The following TAF2 variants were observed in gnomAD, a reference collection of about 807,000 sequenced individuals.
The protein encoded by TAF2 is transcription initiation factor TFIID subunit 2.
TAF2 carries 61 observed loss-of-function variants against 138.5 expected under a neutral mutation model. That is an observed-to-expected ratio of 0.44 (90% CI 0.36 to 0.54). The LOEUF (loss-of-function observed/expected upper bound fraction) is 0.54. Among genes scored for constraint, TAF2 ranks in the 20% least tolerant of loss-of-function variants. The pLI is 0.00. For synonymous variants in TAF2, 475 were observed against 469.9 expected, an observed-to-expected ratio of 1.01 and a Z score of -0.14; for missense variants, 1,090 against 1,427.9, an observed-to-expected ratio of 0.76 and a Z score of 3.81.
At chr8:119,792,130 T>G (rs1426300054) in intron 10 of TAF2, among the ~76,000 whole-genome samples, 1 of 151,000 alleles carries the variant, frequency 6.6e-6, no homozygotes, top group African/African-American at 2.4e-5. Context: ...GATAAATGCC[T>G]AGAAGAATTT....
intron 18 of TAF2, among the ~76,000 whole-genome samples, chr8:119,768,480 C>T (rs1255753711): frequency 7.3e-6 from 1 of 137,400 alleles, no homozygotes; most frequent in Non-Finnish European, 1.7e-5. Flanking sequence ...ATTTTTTCCT[C>T]TTGGTATTGA....
rs778258028 is a variant in TAF2 at position 119,819,314 on chromosome 8, A to C, written c.299+32T>G. 15 of 1,605,282 alleles carry C rather than the reference A, an allele frequency of 9.3e-6. No homozygotes were observed. In the East Asian group the frequency reaches 2.9e-4, roughly 31 times the overall value. The stretch of plus-strand genomic sequence containing the variant: ...TTAAAAACATTTTTTCAAAACTGTT[A>C]AAAATAGTGACTTTTAAAGTGCATA... On this transcript the variant is annotated intron_variant, in intron 3 of 25. Transcript: ENST00000378164.
chr8:119,823,275 C>T (rs911771559), intron 2 of TAF2, among the ~76,000 whole-genome samples: 3 of 152,176 alleles, frequency 2.0e-5, no homozygotes, highest in African/African-American at 7.2e-5. Flanking sequence ...TACAGTATGA[C>T]TTATGCAGTC....
intron 3 of TAF2, among the ~76,000 whole-genome samples, chr8:119,814,902 CTG>C (rs1164562526): frequency 6.9e-6 from 1 of 145,178 alleles, no homozygotes; most frequent in Non-Finnish European, 1.5e-5. Flanking sequence ...GAGCAGGACT[CTG>C]TCTTTAAAAA....
chr8:119,790,665 T>C (rs903447484), intron 11 of TAF2, among the ~76,000 whole-genome samples: 4 of 152,208 alleles, frequency 2.6e-5, no homozygotes, highest in Non-Finnish European at 5.9e-5. Flanking sequence ...AATTTAGCGA[T>C]AGCAAAAATA....
chr8:119,802,412 G>C (rs1461685170), intron 5 of TAF2, among the ~76,000 whole-genome samples: 3 of 152,180 alleles, frequency 2.0e-5, no homozygotes, highest in Non-Finnish European at 4.4e-5. Context: ...CTAACATTCA[G>C]AATTTATTCC....
At chr8:119,783,119 T>C (rs1190551717) in intron 16 of TAF2, among the ~76,000 whole-genome samples, 1 of 152,200 alleles carries the variant, frequency 6.6e-6, no homozygotes, top group East Asian at 1.9e-4. Context: ...TGGTTGGCAA[T>C]TCAACAAAAT....
At chr8:119,774,101 G>A (rs1822044711) in intron 18 of TAF2, among the ~76,000 whole-genome samples, 2 of 151,706 alleles carry the variant, frequency 1.3e-5, no homozygotes, top group African/African-American at 4.8e-5. Flanking sequence ...AACCTGGCAG[G>A]CGGAGCTTGC....
chr8:119,760,435 A>C, intron 20 of TAF2, 164 bp downstream of exon 20: 3 of 780,170 alleles, frequency 3.8e-6, no homozygotes, highest in South Asian at 3.9e-5. Flanking sequence ...ATTAACTCTT[A>C]TGTGAATTCT....
rs35600902 is a variant in TAF2, at chr8:119,776,347, C to CTT, written c.2364+1670_2364+1671dup. ...TCATCTTTTAATAAACATGCCTGTG[C>CTT]TTTTTTTTTTTTTTTTTACTGTTGT... On this transcript the variant is annotated intron_variant, in intron 18 of 25. Coordinates refer to ENST00000378164, the MANE Select transcript of TAF2 (RefSeq NM_003184.4). Among the ~76,000 whole-genome samples, 82 of 134,522 alleles carry CTT rather than the reference C, an allele frequency of 6.1e-4. 1 individual carries two copies. The highest frequency in any genetic ancestry group is 3.9e-3 in the Middle Eastern group (1 of 254). 88.3% of individuals were successfully genotyped at this position (134,522 alleles called of 152,430 possible). A position where few individuals can be genotyped will look rare whatever the true frequency, so the allele number is the denominator to read the frequency against.
chr8:119,731,540 T>G lies in TAF2; in HGVS notation c.*384A>C, dbSNP rs923433604. Reference sequence around the variant, plus strand: ...ACCACAGATTTGGCAGTTGCTTCTGTGTAAATCATAACTTTGCCCCATAAC... The same window carrying G: ...ACCACAGATTTGGCAGTTGCTTCTGGGTAAATCATAACTTTGCCCCATAAC... On this transcript the variant is annotated 3_prime_UTR_variant, in exon 26 of 26. Transcript: ENST00000378164. 7.7e-6 allele frequency: 2 copies of G among 259,446 alleles called. No individual in the cohort carries two copies. Among genetic ancestry groups the G allele is most frequent in the East Asian group, 9.4e-5 (1 of 10,666 alleles). The allele number at this position is 259,446 out of a possible 1,614,324, so 16.1% of individuals were successfully genotyped here.
Position 119,784,915 on chromosome 8 carries a change from G to A in TAF2, c.1859+286C>T, listed in dbSNP as rs1404092237. ...ACATTATAGTCTGAGCACTGCTCTA[G>A]AGGCCACAAAGAGAGAATAAGGAAG... is the stretch of plus-strand genomic sequence containing the variant. On this transcript the variant is annotated intron_variant, in intron 15 of 25. Coordinates refer to ENST00000378164, the MANE Select transcript of TAF2 (RefSeq NM_003184.4). Among the ~76,000 whole-genome samples, 4 of 152,272 alleles carry A rather than the reference G, an allele frequency of 2.6e-5. No individual in the cohort carries two copies. In the South Asian group the frequency reaches 6.2e-4, roughly 24 times the overall value.
intron 7 of TAF2, 103 bp from the exon 8 acceptor site, chr8:119,797,206 G>A (rs1189716646): frequency 2.3e-6 from 2 of 854,556 alleles, no homozygotes; most frequent in African/African-American, 3.4e-5. Flanking sequence ...GCTAAATAGA[G>A]AAAAAATTCT....
intron 2 of TAF2, among the ~76,000 whole-genome samples, chr8:119,825,851 A>ATTTTT (rs35710501): frequency 1.4e-5 from 2 of 144,968 alleles, no homozygotes; most frequent in African/African-American, 5.1e-5. Flanking sequence ...CGCCTGGCTA[A>ATTTTT]TTTTTTTTTT....
In TAF2 at chr8:119,730,825, T is replaced by A. The variant is rs541879376; in HGVS notation, c.*1099A>T. 3 of 152,284 alleles carry A rather than the reference T, an allele frequency of 2.0e-5. No individual in the cohort carries two copies. The highest frequency in any genetic ancestry group is 4.4e-5 in the Non-Finnish European group (3 of 68,014). The allele number at this position is 152,284 out of a possible 1,614,324, so 9.4% of individuals were successfully genotyped here. ...AAGTTAAACACAACTAAAAGTATAT[T>A]TAGAGGTCCAAGATTCAAGTATTTT... On this transcript the variant is annotated 3_prime_UTR_variant, in exon 26 of 26. Transcript: ENST00000378164.
intron 5 of TAF2, among the ~76,000 whole-genome samples, chr8:119,802,739 C>A (rs553498355): frequency 6.6e-6 from 1 of 152,078 alleles, no homozygotes; most frequent in Non-Finnish European, 1.5e-5. Context: ...ATGGTGAAAC[C>A]CTGTCTCTAC....
At chr8:119,748,422 G>A (rs1820127974) in intron 22 of TAF2, among the ~76,000 whole-genome samples, 1 of 150,882 alleles carries the variant, frequency 6.6e-6, no homozygotes, top group South Asian at 2.1e-4. Flanking sequence ...ATACTAGATA[G>A]TGCATTGTAC....
chr8:119,786,059 G>C (rs889705921), intron 14 of TAF2, among the ~76,000 whole-genome samples: 4 of 152,180 alleles, frequency 2.6e-5, no homozygotes, highest in Admixed American at 2.0e-4. Flanking sequence ...TCATCTATCT[G>C]AGTGAACTAA....
At chr8:119,801,480 G>A (rs1586478994) in intron 6 of TAF2, among the ~76,000 whole-genome samples, 1 of 148,926 alleles carries the variant, frequency 6.7e-6, no homozygotes, top group East Asian at 2.0e-4. Context: ...CAAGGCTGGA[G>A]TGCAGTGGCA....
Sources: allele counts gnomAD v4.1 joint callset (sites outside exome capture counted in the v4.1 genomes callset), GRCh38; gene constraint gnomAD v4.1.1; transcripts MANE v1.5; gene names NCBI Gene and HGNC (gene_info 2026-07-23, HGNC 2026-07-21).